ANKUB1: variants seen among roughly 807,000 people sequenced by gnomAD.
ANKUB1 encodes the protein ankyrin repeat and ubiquitin domain containing 1, also known as protein ANKUB1.
In ANKUB1, 42 loss-of-function variants were observed where a neutral mutation model predicts 49.3. The observed-to-expected ratio is 0.85, with a 90% CI of 0.67 to 1.10. The LOEUF (loss-of-function observed/expected upper bound fraction) is 1.10. Among genes scored for constraint, ANKUB1 ranks in the 50% least tolerant of loss-of-function variants. ANKUB1 has a pLI of 0.00. For synonymous variants in ANKUB1, 222 were observed against 231.0 expected (o/e 0.96, Z 0.35); for missense variants, 613 against 642.0 (o/e 0.95, Z 0.49).
chr3:149,781,230 A>G (rs531079691), intron 2 of ANKUB1, among the ~76,000 whole-genome samples: 1 of 152,302 alleles, frequency 6.6e-6, no homozygotes, highest in East Asian at 1.9e-4. Context: ...GAATTGAGAT[A>G]TCCAAAGCAG....
chr3:149,761,460 C>A lies in ANKUB1; in HGVS notation c.*24G>T. 1.3e-6 allele frequency: 2 copies of A among 1,550,412 alleles called. No homozygotes were observed. The highest frequency in any genetic ancestry group is 1.7e-6 in the Non-Finnish European group (2 of 1,146,072). ...ACATTCTGTTTGATCAGGTCTTTGT[C>A]CAAACTGAAGTTGTCATGACTTTTC... On this transcript the variant is annotated 3_prime_UTR_variant, in exon 6 of 6. Coordinates refer to ENST00000446160, the MANE Select transcript of ANKUB1 (RefSeq NM_001144960.3).
In ANKUB1 at chr3:149,768,568, G is replaced by A. The variant is rs375927170; in HGVS notation, c.567-473C>T. The stretch of plus-strand genomic sequence containing the variant: ...CCTCCATCCCCCCTCCCCAGACAGA[G>A]TCTTGCTCTGTTGCTCAGGCTGGAG... On this transcript the variant is annotated intron_variant, in intron 4 of 5. Coordinates refer to ENST00000446160, the MANE Select transcript of ANKUB1 (RefSeq NM_001144960.3). 1.2e-3 allele frequency among the ~76,000 whole-genome samples: 181 copies of A among 144,888 alleles called. 5 individuals carry two copies. The South Asian group carries it at 0.037, about 30-fold the overall frequency.
At chr3:149,787,380 A>G (rs1699968310) in intron 2 of ANKUB1, among the ~76,000 whole-genome samples, 1 of 151,998 alleles carries the variant, frequency 6.6e-6, no homozygotes, top group Non-Finnish European at 1.5e-5. Context: ...TGTCTGTTAT[A>G]GGTGTATAGG....
intron 3 of ANKUB1, among the ~76,000 whole-genome samples, chr3:149,773,718 A>G (rs1343514722): frequency 6.6e-6 from 1 of 152,168 alleles, no homozygotes; most frequent in Non-Finnish European, 1.5e-5. Flanking sequence ...GTTTATTGTG[A>G]AAATCACTCC....
Position 149,790,844 on chromosome 3 carries a change from C to A in ANKUB1, c.171G>T (p.Lys57Asn), listed in dbSNP as rs1030774568. ...LELMYAGAAL[K>N]DSWSLADVGI... ...CAACATCAGCAAGACTCCAACTGTC[C>A]TTTAGAGCAGCTCCAGCATACATTA... is the stretch of plus-strand genomic sequence containing the variant. The change falls in exon 2 of 6, where the codon AAG becomes AAT. Residue 57 changes from lysine to asparagine, a missense_variant. Lys to Asn is a moderately conservative substitution (Grantham distance 94). Coordinates refer to ENST00000446160, the MANE Select transcript of ANKUB1 (RefSeq NM_001144960.3). 2.6e-6 allele frequency: 4 copies of A among 1,552,008 alleles called. No individual in the cohort carries two copies. The highest frequency in any genetic ancestry group is 3.5e-6 in the Non-Finnish European group (4 of 1,147,066).
At chr3:149,790,992 T>C (rs1718335308) in intron 1 of ANKUB1, 68 bp from the exon 2 acceptor site, 14 of 1,424,270 alleles carry the variant, frequency 9.8e-6, no homozygotes, top group East Asian at 2.5e-5. Flanking sequence ...ATGTACTCTC[T>C]TTCCCTTTAC....
At chr3:149,785,807 CCAGTT>C (rs199781044) in intron 2 of ANKUB1, among the ~76,000 whole-genome samples, 3,250 of 152,218 alleles carry the variant, frequency 0.021, 120 homozygotes, top group African/African-American at 0.073. Context: ...AATGGTATTT[CCAGTT>C]CTAGATCCTT....
chr3:149,769,720 ATGGGCAC>A (rs765668537), intron 4 of ANKUB1, among the ~76,000 whole-genome samples: 10 of 152,360 alleles, frequency 6.6e-5, no homozygotes, highest in Non-Finnish European at 1.5e-4. Flanking sequence ...GAATTGTTTT[ATGGGCAC>A]TGGAAGTTTG....
chr3:149,790,658 G>A, intron 2 of ANKUB1, 123 bp downstream of exon 2: 1 of 951,776 alleles, frequency 1.1e-6, no homozygotes, highest in Non-Finnish European at 1.5e-6. Flanking sequence ...ACAAATGGAA[G>A]TGAGGAGAAG....
At chr3:149,787,819 C>G (rs1718176535) in intron 2 of ANKUB1, among the ~76,000 whole-genome samples, 1 of 152,132 alleles carries the variant, frequency 6.6e-6, no homozygotes, top group African/African-American at 2.4e-5. Flanking sequence ...ACAAGCAGAA[C>G]CTTGTAAGCA....
At position 149,770,749 on chromosome 3, in the gene ANKUB1, A is replaced by G. The variant is rs996268812; in HGVS notation, c.452-75T>C. 5.0e-5 allele frequency: 43 copies of G among 854,550 alleles called. 1 individual carries two copies. Among genetic ancestry groups the G allele is most frequent in the Non-Finnish European group, 7.5e-5 (42 of 558,236 alleles). The allele number at this position is 854,550 out of a possible 1,614,324, so 52.9% of individuals were successfully genotyped here. On this transcript the variant is annotated intron_variant, in intron 3 of 5. Transcript: ENST00000446160. ...GACAATCCATAAAACTTCTAATGGTAGCTTTCCCCAAACAGAGGCTTAGCT... is the reference window on the plus strand; with the variant it reads ...GACAATCCATAAAACTTCTAATGGTGGCTTTCCCCAAACAGAGGCTTAGCT...
At chr3:149,782,199 C>G (rs1717900897) in intron 2 of ANKUB1, among the ~76,000 whole-genome samples, 1 of 151,794 alleles carries the variant, frequency 6.6e-6, no homozygotes, top group African/African-American at 2.4e-5. Flanking sequence ...AAACAAATGA[C>G]AAAATAAATC....
intron 3 of ANKUB1, chr3:149,779,415 C>G (rs1717750483): frequency 6.6e-6 from 1 of 152,012 alleles, no homozygotes; most frequent in Non-Finnish European, 1.5e-5. Flanking sequence ...AGTGATCCCC[C>G]CTCTCTTGGC....
chr3:149,791,073 AG>A, intron 1 of ANKUB1, 149 bp from the exon 2 acceptor site: 1 of 681,580 alleles, frequency 1.5e-6, no homozygotes. Context: ...TTCTTAACTT[AG>A]AGAACTTCCA....
intron 2 of ANKUB1, among the ~76,000 whole-genome samples, chr3:149,785,208 C>A (rs994779600): frequency 6.6e-6 from 1 of 151,926 alleles, no homozygotes; most frequent in African/African-American, 2.4e-5. Context: ...TTATGGCTTC[C>A]GTAAGAGTTC....
intron 3 of ANKUB1, among the ~76,000 whole-genome samples, chr3:149,775,111 G>A: frequency 6.6e-6 from 1 of 152,070 alleles, no homozygotes; most frequent in East Asian, 1.9e-4. Context: ...CTATGCCTAG[G>A]CCACACAGGA....
At chr3:149,791,324 G>T (rs1252829101) in intron 1 of ANKUB1, among the ~76,000 whole-genome samples, 1 of 152,186 alleles carries the variant, frequency 6.6e-6, no homozygotes, top group African/African-American at 2.4e-5. Context: ...ATAGTTATTA[G>T]ATGAGCTGCT....
rs1436229520 is a variant in ANKUB1, at chr3:149,768,054, C to A, written c.608G>T (p.Gly203Val). The A allele has an allele frequency of 4.8e-6, 7 of 1,449,332 alleles. No individual in the cohort carries two copies. The African/African-American group carries it at 8.6e-5, about 18-fold the overall frequency. 89.8% of individuals were successfully genotyped at this position (1,449,332 alleles called of 1,614,324 possible). A position where few individuals can be genotyped will look rare whatever the true frequency, so the allele number is the denominator to read the frequency against. The change falls in exon 5 of 6, where the codon GGG becomes GTG. Residue 203 changes from glycine to valine, a missense_variant. Physicochemically the swap from Gly to Val is moderately radical, Grantham distance 109. Transcript: ENST00000446160. ...GGCCCATTCAGTGAGTTCAATGTACCCACAAAAAGCAGCAATGTACAGGGC... is the reference window on the plus strand; with the variant it reads ...GGCCCATTCAGTGAGTTCAATGTACACACAAAAAGCAGCAATGTACAGGGC... The part of the protein sequence containing the change: ...RVALYIAAFC[G>V]YIELTEWALK...
intron 2 of ANKUB1, among the ~76,000 whole-genome samples, chr3:149,789,563 G>A (rs1444271904): frequency 6.6e-6 from 1 of 151,722 alleles, no homozygotes; most frequent in Non-Finnish European, 1.5e-5. Context: ...TACATAAATG[G>A]GATGATTCAA....
Sources: allele counts gnomAD v4.1 joint callset (sites outside exome capture counted in the v4.1 genomes callset), GRCh38; gene constraint gnomAD v4.1.1; transcripts MANE v1.5; gene names NCBI Gene and HGNC (gene_info 2026-07-23, HGNC 2026-07-21).